The following SERPINA5 variants were observed in gnomAD, a reference collection of about 807,000 sequenced individuals.
The protein encoded by SERPINA5 is plasma serine protease inhibitor.
A neutral mutation model predicts 25.3 loss-of-function variants in SERPINA5; 25 were observed. That is an observed-to-expected ratio of 0.99 (90% confidence interval 0.72 to 1.38). The LOEUF (loss-of-function observed/expected upper bound fraction) is 1.38. SERPINA5 is among the 40% of genes most tolerant of loss of function. SERPINA5 has a pLI of 0.00. For synonymous variants in SERPINA5, 234 were observed against 206.2 expected (o/e 1.14, Z -1.16); for missense variants, 599 against 509.5 (o/e 1.18, Z -1.69).
chr14:94,584,395 A>G (rs1251545182), intron 2 of SERPINA5, among the ~76,000 whole-genome samples: 3 of 152,108 alleles, frequency 2.0e-5, no homozygotes, highest in Non-Finnish European at 2.9e-5. Flanking sequence ...TGAAAAGTAG[A>G]GAGAGTTGGC....
At position 94,592,085 on chromosome 14, in the gene SERPINA5, A is replaced by G; in HGVS notation, c.1067A>G (p.Asp356Gly). 1 of 1,613,686 alleles carries G rather than the reference A, an allele frequency of 6.2e-7. No individual in the cohort carries two copies. Among genetic ancestry groups the G allele is most frequent in the Non-Finnish European group, 8.5e-7 (1 of 1,179,760 alleles). Residue 356 changes from aspartate (D) to glycine (G), a missense_variant, in exon 6 of 6, where the codon GAC becomes GGC. Coordinates refer to ENST00000329597, the MANE Select transcript of SERPINA5 (RefSeq NM_000624.6). ...EMVHKAVVEV[D>G]ESGTRAAAAT... The stretch of plus-strand genomic sequence containing the variant: ...GTGCACAAAGCTGTGGTGGAGGTGG[A>G]CGAGTCGGGAACCAGAGCAGCGGCA...
intron 2 of SERPINA5, among the ~76,000 whole-genome samples, chr14:94,583,553 G>A (rs1223689419): frequency 2.0e-5 from 3 of 152,172 alleles, no homozygotes; most frequent in African/African-American, 2.4e-5. Flanking sequence ...TGGACAGACC[G>A]TCCTCACTAA....
rs148239179 is a variant in SERPINA5 at position 94,591,278 on chromosome 14, A to T, written c.1038+382A>T. Among the ~76,000 whole-genome samples the T allele has an allele frequency of 4.4e-4, 32 of 71,912 alleles. No homozygotes were observed. The East Asian group carries it at 0.011, about 25-fold the overall frequency. 47.2% of individuals were successfully genotyped at this position (71,912 alleles called of 152,430 possible). On this transcript the variant is annotated intron_variant, in intron 5 of 5. Coordinates refer to ENST00000329597, the MANE Select transcript of SERPINA5 (RefSeq NM_000624.6). ...CTCCACTCCTCCACTCCACTCCTCC[A>T]CTCCACTCCTCCACTCCACTCCACT...
Position 94,592,162 on chromosome 14 carries a change from C to A in SERPINA5, c.1144C>A (p.Leu382Ile). The A allele has an allele frequency of 6.2e-7, 1 of 1,614,188 alleles. No homozygotes were observed. Among genetic ancestry groups the A allele is most frequent in the Non-Finnish European group, 8.5e-7 (1 of 1,180,026 alleles). ...GTCGGCCCGCCTGAACTCTCAGAGG[C>A]TAGTGTTCAACAGGCCCTTTCTGAT... ...FRSARLNSQR[L>I]VFNRPFLMFI... The change falls in exon 6 of 6, where the codon CTA becomes ATA. Residue 382 changes from leucine (L) to isoleucine (I), a missense_variant. Physicochemically the swap from Leu to Ile is conservative, Grantham distance 5. Transcript: ENST00000329597.
At chr14:94,582,082 C>A (rs1410199877) in intron 2 of SERPINA5, 2 of 152,200 alleles carry the variant, frequency 1.3e-5, no homozygotes, top group African/African-American at 4.8e-5. Flanking sequence ...TTATCGGCTT[C>A]CGTGAGATAA....
intron 3 of SERPINA5, among the ~76,000 whole-genome samples, chr14:94,589,735 T>G (rs1010778725): frequency 6.6e-6 from 1 of 152,218 alleles, no homozygotes; most frequent in Non-Finnish European, 1.5e-5. Context: ...CTTGGAGATT[T>G]GGTCTTGAGT....
chr14:94,589,888 A>G (rs1476782081), intron 3 of SERPINA5, among the ~76,000 whole-genome samples, 153 bp from the exon 4 acceptor site: 2 of 152,234 alleles, frequency 1.3e-5, no homozygotes, highest in East Asian at 1.9e-4. Flanking sequence ...ACTTGCCTTC[A>G]TATTCAAGAG....
intron 2 of SERPINA5, among the ~76,000 whole-genome samples, chr14:94,582,579 C>G (rs1218495118): frequency 2.6e-5 from 4 of 152,188 alleles, no homozygotes; most frequent in Non-Finnish European, 5.9e-5. Flanking sequence ...CTCTGGGTGG[C>G]CAGCCTGGCT....
Position 94,592,351 on chromosome 14 carries a change from T to C in SERPINA5, c.*112T>C, listed in dbSNP as rs1885333872. 3.9e-6 allele frequency: 4 copies of C among 1,034,868 alleles called. No individual in the cohort carries two copies. Among genetic ancestry groups the C allele is most frequent in the Admixed American group, 4.9e-5 (2 of 41,180 alleles). The allele number at this position is 1,034,868 out of a possible 1,614,324, so 64.1% of individuals were successfully genotyped here. A position where few individuals can be genotyped will look rare whatever the true frequency, so the allele number is the denominator to read the frequency against. On this transcript the variant is annotated 3_prime_UTR_variant, in exon 6 of 6. Coordinates refer to ENST00000329597, the MANE Select transcript of SERPINA5 (RefSeq NM_000624.6). Reference sequence around the variant, plus strand: ...GATTTACACAGGTTTAGTTGACTAATGAGGCATTACAAATAATATTACTCT... The same window carrying C: ...GATTTACACAGGTTTAGTTGACTAACGAGGCATTACAAATAATATTACTCT...
chr14:94,583,927 G>A (rs902460269), intron 2 of SERPINA5, among the ~76,000 whole-genome samples: 9 of 152,186 alleles, frequency 5.9e-5, no homozygotes, highest in East Asian at 3.9e-4. Context: ...CCAAGAGTGC[G>A]ATGGCAAACC....
At chr14:94,587,151 G>A (rs537083640) in intron 2 of SERPINA5, among the ~76,000 whole-genome samples, 195 bp from the exon 3 acceptor site, 3 of 152,020 alleles carry the variant, frequency 2.0e-5, no homozygotes, top group African/African-American at 4.8e-5. Context: ...TCCTCTCCCC[G>A]TCATCCCTAA....
At chr14:94,586,468 GTC>G (rs1275440333) in intron 2 of SERPINA5, among the ~76,000 whole-genome samples, 1 of 152,150 alleles carries the variant, frequency 6.6e-6, no homozygotes, top group African/African-American at 2.4e-5. Context: ...CTCTGTGCAT[GTC>G]TCTATCCTGA....
intron 2 of SERPINA5, 30 bp from the exon 3 acceptor site, chr14:94,587,316 C>T (rs764796853): frequency 5.7e-5 from 88 of 1,542,382 alleles, no homozygotes; most frequent in Non-Finnish European, 7.4e-5. Context: ...AGCTCCACCC[C>T]TCTCTGAGGA....
Position 94,592,086 on chromosome 14 carries a change from C to A in SERPINA5, c.1068C>A (p.Asp356Glu). 1 of 1,613,500 alleles carries A rather than the reference C, an allele frequency of 6.2e-7. No individual in the cohort carries two copies. Among genetic ancestry groups the A allele is most frequent in the Non-Finnish European group, 8.5e-7 (1 of 1,179,680 alleles). ...TGCACAAAGCTGTGGTGGAGGTGGA[C>A]GAGTCGGGAACCAGAGCAGCGGCAG... ...EMVHKAVVEVDESGTRAAAAT... is the reference protein window; with the variant it reads ...EMVHKAVVEVEESGTRAAAAT... The change falls in exon 6 of 6, where the codon GAC becomes GAA. Residue 356 changes from aspartate to glutamate, a missense_variant. By Grantham distance (45) the Asp-to-Glu change is conservative. Transcript: ENST00000329597.
Position 94,590,033 on chromosome 14 carries a change from A to G in SERPINA5, c.620-8A>G, listed in dbSNP as rs1394247956. On this transcript the variant is annotated splice_polypyrimidine_tract_variant and splice_region_variant and intron_variant, in intron 3 of 5. Transcript: ENST00000329597. ...TTCTTTTTCATTTTTCCCTTTTTTC[A>G]TCTTTAGCTAAGTGGGAGACAAGCT... The G allele has an allele frequency of 3.9e-6, 6 of 1,552,042 alleles. No homozygotes were observed. The highest frequency in any genetic ancestry group is 2.1e-5 in the Admixed American group (1 of 48,090).
intron 3 of SERPINA5, among the ~76,000 whole-genome samples, chr14:94,589,234 GTCAGGAGTTCGAGA>G (rs1409792717): frequency 6.6e-6 from 1 of 152,114 alleles, no homozygotes; most frequent in Non-Finnish European, 1.5e-5. Context: ...ATCACCTGAG[GTCAGGAGTTCGAGA>G]TCAGCCTGGC....
intron 2 of SERPINA5, among the ~76,000 whole-genome samples, chr14:94,582,754 G>C (rs770558320): frequency 2.0e-5 from 3 of 152,232 alleles, no homozygotes; most frequent in Non-Finnish European, 4.4e-5. Context: ...CCCATGGAGA[G>C]AGAGGCCGGA....
At chr14:94,586,405 C>A (rs1885085511) in intron 2 of SERPINA5, among the ~76,000 whole-genome samples, 2 of 152,142 alleles carry the variant, frequency 1.3e-5, no homozygotes, top group South Asian at 4.2e-4. Flanking sequence ...TTCCAAGGCC[C>A]CTCTCCTTGG....
At chr14:94,590,660 A>T in intron 4 of SERPINA5, 89 bp from the exon 5 acceptor site, 2 of 1,421,118 alleles carry the variant, frequency 1.4e-6, no homozygotes, top group Non-Finnish European at 1.9e-6. Flanking sequence ...CATCAAAACT[A>T]AGAATCCAGT....
Sources: gnomAD v4.1 joint callset for allele counts (sites outside exome capture counted in the v4.1 genomes callset) on GRCh38, gnomAD v4.1.1 for gene constraint, MANE v1.5 for transcripts, NCBI Gene and HGNC (gene_info 2026-07-23, HGNC 2026-07-21) for gene names.